Variants in ST6GALNAC5 observed in about 807,000 individuals in gnomAD.
ST6GALNAC5 encodes alpha-N-acetylgalactosaminide alpha-2,6-sialyltransferase 5.
ST6GALNAC5 carries 27 observed loss-of-function variants against 33.6 expected under a neutral mutation model. The ratio of observed to expected loss-of-function variants is 0.80; its 90% CI spans 0.59 to 1.11. The LOEUF (loss-of-function observed/expected upper bound fraction) is 1.11, where lower values mean the gene tolerates loss of function less well. Ranked by LOEUF, ST6GALNAC5 falls within the 50% of genes least tolerant of loss-of-function variation. The probability of loss-of-function intolerance (pLI) is 0.00; values close to 1 mark genes in which losing one functional copy is unlikely to be tolerated. For synonymous variants in ST6GALNAC5, 194 were observed against 171.2 expected (o/e 1.13, Z -1.04); for missense variants, 428 against 454.0 (o/e 0.94, Z 0.52).
chr1:77,054,032 C>G (rs1321932287), intron 4 of ST6GALNAC5, among the ~76,000 whole-genome samples: 1 of 152,162 alleles, frequency 6.6e-6, no homozygotes, highest in African/African-American at 2.4e-5. Context: ...AATTAGTACC[C>G]TCAAAAAAGT....
At chr1:76,987,481 G>A (rs745689991) in intron 2 of ST6GALNAC5, among the ~76,000 whole-genome samples, 13 of 152,104 alleles carry the variant, frequency 8.5e-5, no homozygotes, top group Non-Finnish European at 1.5e-4. Flanking sequence ...ACCCTCATAC[G>A]TTGCTGGTCA....
intron 2 of ST6GALNAC5, among the ~76,000 whole-genome samples, chr1:76,911,684 G>C (rs940005706): frequency 9.2e-5 from 14 of 152,290 alleles, no homozygotes; most frequent in Non-Finnish European, 1.8e-4. Context: ...GAGGGTATGT[G>C]TTGAGGAATT....
At chr1:76,898,325 G>A (rs1430296332) in intron 2 of ST6GALNAC5, among the ~76,000 whole-genome samples, 1 of 152,188 alleles carries the variant, frequency 6.6e-6, no homozygotes, top group East Asian at 1.9e-4. Flanking sequence ...TGTGGCTGGG[G>A]TTTGTCTCAC....
chr1:76,956,349 T>G (rs1331252415), intron 2 of ST6GALNAC5, among the ~76,000 whole-genome samples: 3 of 151,868 alleles, frequency 2.0e-5, no homozygotes, highest in Non-Finnish European at 4.4e-5. Flanking sequence ...TCTAAATACA[T>G]TGCAAATATG....
intron 2 of ST6GALNAC5, among the ~76,000 whole-genome samples, chr1:76,897,029 C>T (rs1035191132): frequency 3.1e-4 from 47 of 151,992 alleles, no homozygotes; most frequent in African/African-American, 8.9e-4. Context: ...TAATCAGACA[C>T]GATCAGTAGG....
At chr1:77,022,832 C>A (rs560207942) in intron 2 of ST6GALNAC5, among the ~76,000 whole-genome samples, 1 of 152,302 alleles carries the variant, frequency 6.6e-6, no homozygotes, top group African/African-American at 2.4e-5. Context: ...CCCCTCCTGT[C>A]TTTCTTCCTC....
chr1:77,034,920 G>A (rs76537234), intron 2 of ST6GALNAC5, among the ~76,000 whole-genome samples: 2,879 of 152,228 alleles, frequency 0.019, 27 homozygotes, highest in Non-Finnish European at 0.027. Flanking sequence ...GGAGACTTGG[G>A]GTTCATCCCA....
At chr1:77,045,236 A>G (rs1387214473) in intron 3 of ST6GALNAC5, among the ~76,000 whole-genome samples, 1 of 152,248 alleles carries the variant, frequency 6.6e-6, no homozygotes, top group Non-Finnish European at 1.5e-5. Context: ...AGGCACTGAA[A>G]GATTTTTTTT....
chr1:76,978,453 G>A (rs536603154), intron 2 of ST6GALNAC5, among the ~76,000 whole-genome samples: 5 of 152,266 alleles, frequency 3.3e-5, no homozygotes, highest in African/African-American at 1.2e-4. Context: ...TCATCCCAGG[G>A]ATGCAAGGAT....
chr1:76,908,767 C>T (rs191896477), intron 2 of ST6GALNAC5, among the ~76,000 whole-genome samples: 80 of 152,212 alleles, frequency 5.3e-4, no homozygotes, highest in Admixed American at 6.5e-4. Context: ...TCTTGTTCAT[C>T]CTTGCATCTT....
chr1:76,967,134 C>G (rs1022518838), intron 2 of ST6GALNAC5, among the ~76,000 whole-genome samples: 9 of 152,184 alleles, frequency 5.9e-5, no homozygotes, highest in African/African-American at 1.7e-4. Flanking sequence ...GGAGGATTCC[C>G]TCTTTTTCTA....
intron 2 of ST6GALNAC5, among the ~76,000 whole-genome samples, chr1:76,873,986 CAAT>C (rs1653569705): frequency 6.6e-6 from 1 of 152,022 alleles, no homozygotes; most frequent in African/African-American, 2.4e-5. Context: ...AAGAAAAGTT[CAAT>C]AATAAGGCAA....
At position 76,914,588 on chromosome 1, in the gene ST6GALNAC5, G is replaced by A. The variant is rs542020443; in HGVS notation, c.261+45846G>A. Among the ~76,000 whole-genome samples, 19 of 152,218 alleles carry A rather than the reference G, an allele frequency of 1.2e-4. No individual in the cohort carries two copies. The South Asian group carries it at 2.5e-3, about 20-fold the overall frequency. ...CAAACCTGAGAAAAACAAGCAATGC[G>A]GAAAGGATTCCCTATTTAATAAATG... On this transcript the variant is annotated intron_variant, in intron 2 of 4. Coordinates refer to ENST00000477717, the MANE Select transcript of ST6GALNAC5 (RefSeq NM_030965.3).
chr1:76,946,917 T>G (rs1233656056), intron 2 of ST6GALNAC5, among the ~76,000 whole-genome samples: 2 of 152,146 alleles, frequency 1.3e-5, no homozygotes, highest in African/African-American at 2.4e-5. Flanking sequence ...GGTTTTAGTA[T>G]GTGAAAGTAT....
At chr1:76,979,355 T>A (rs1649154136) in intron 2 of ST6GALNAC5, among the ~76,000 whole-genome samples, 1 of 152,136 alleles carries the variant, frequency 6.6e-6, no homozygotes, top group African/African-American at 2.4e-5. Context: ...GCAACAGGTA[T>A]CACACTACCT....
At chr1:76,930,142 C>T (rs771534884) in intron 2 of ST6GALNAC5, among the ~76,000 whole-genome samples, 3 of 152,056 alleles carry the variant, frequency 2.0e-5, no homozygotes, top group Non-Finnish European at 4.4e-5. Flanking sequence ...TGATCCTTCC[C>T]CCTACTCGTT....
chr1:77,040,463 T>G (rs1369940508), intron 2 of ST6GALNAC5, among the ~76,000 whole-genome samples: 1 of 152,204 alleles, frequency 6.6e-6, no homozygotes, highest in Admixed American at 6.5e-5. Flanking sequence ...TGGGTCAACC[T>G]GGCATGTTCT....
intron 2 of ST6GALNAC5, among the ~76,000 whole-genome samples, chr1:77,005,800 A>G (rs1172017650): frequency 6.6e-6 from 1 of 152,160 alleles, no homozygotes; most frequent in African/African-American, 2.4e-5. Flanking sequence ...GAAATCATAC[A>G]GCGTTTGTCC....
intron 3 of ST6GALNAC5, among the ~76,000 whole-genome samples, chr1:77,048,089 A>C (rs1652076033): frequency 6.6e-6 from 1 of 152,176 alleles, no homozygotes; most frequent in Non-Finnish European, 1.5e-5. Flanking sequence ...TCTTCACTTT[A>C]GTTTCTTTCG....
Sources: allele counts gnomAD v4.1 joint callset (sites outside exome capture counted in the v4.1 genomes callset), GRCh38; gene constraint gnomAD v4.1.1; transcripts MANE v1.5; gene names NCBI Gene and HGNC (gene_info 2026-07-23, HGNC 2026-07-21).